The following CDH12 variants were observed in gnomAD, a reference collection of about 807,000 sequenced individuals.
The protein encoded by CDH12 is cadherin-12.
CDH12 carries 41 observed loss-of-function variants against 74.1 expected under a neutral mutation model. The observed-to-expected ratio is 0.55, with a 90% CI of 0.43 to 0.72. The LOEUF is 0.72. CDH12 is among the 30% of genes least tolerant of loss of function. CDH12 has a pLI of 0.00. For missense variants in CDH12, 945 were observed against 977.2 expected, an observed-to-expected ratio of 0.97 and a Z score of 0.44; for synonymous variants, 399 against 355.0, an observed-to-expected ratio of 1.12 and a Z score of -1.39.
At chr5:21,993,136 A>T (rs867563294) in intron 5 of CDH12, among the ~76,000 whole-genome samples, 5 of 152,182 alleles carry the variant, frequency 3.3e-5, no homozygotes, top group Non-Finnish European at 2.9e-5. Flanking sequence ...TCGAGATGAG[A>T]TTGGCGGGGG....
chr5:22,352,069 T>C (rs1468574426), intron 3 of CDH12, among the ~76,000 whole-genome samples: 3 of 152,032 alleles, frequency 2.0e-5, no homozygotes, highest in South Asian at 2.1e-4. Context: ...ATCAAAATTA[T>C]TACAATATTT....
chr5:22,051,334 G>C (rs1381833907), intron 5 of CDH12, among the ~76,000 whole-genome samples: 1 of 152,014 alleles, frequency 6.6e-6, no homozygotes, highest in Non-Finnish European at 1.5e-5. Context: ...AATTCACCTA[G>C]ATTCCAAATA....
intron 1 of CDH12, among the ~76,000 whole-genome samples, chr5:22,845,904 A>G (rs1737279593): frequency 6.6e-6 from 1 of 152,162 alleles, no homozygotes; most frequent in Non-Finnish European, 1.5e-5. Context: ...AAACAGAAAT[A>G]TCTGTTTAGA....
At chr5:22,472,639 A>G (rs930929820) in intron 2 of CDH12, among the ~76,000 whole-genome samples, 7 of 152,098 alleles carry the variant, frequency 4.6e-5, no homozygotes, top group Non-Finnish European at 1.0e-4. Context: ...AAAAAAATCT[A>G]TTATACTGTG....
intron 3 of CDH12, among the ~76,000 whole-genome samples, chr5:22,218,939 C>A (rs1223916497): frequency 6.6e-6 from 1 of 151,716 alleles, no homozygotes; most frequent in Non-Finnish European, 1.5e-5. Context: ...AAATTGTATA[C>A]AGCATTTCCC....
chr5:22,753,535 C>T (rs923369791), intron 1 of CDH12, among the ~76,000 whole-genome samples: 1 of 146,600 alleles, frequency 6.8e-6, no homozygotes, highest in African/African-American at 2.6e-5. Flanking sequence ...GAAGCATTCT[C>T]AGCCGTGAGG....
intron 5 of CDH12, among the ~76,000 whole-genome samples, chr5:22,019,857 G>C (rs565389773): frequency 6.6e-6 from 1 of 152,262 alleles, no homozygotes; most frequent in East Asian, 1.9e-4. Context: ...TCTAAACTGG[G>C]AGTGGCAACC....
intron 1 of CDH12, among the ~76,000 whole-genome samples, chr5:22,819,259 T>C (rs368911720): frequency 8.4e-4 from 128 of 152,238 alleles, no homozygotes; most frequent in African/African-American, 3.0e-3. Context: ...AGATGAAAAG[T>C]CTGACAGGCA....
intron 3 of CDH12, among the ~76,000 whole-genome samples, chr5:22,282,429 A>G (rs1405802205): frequency 6.6e-6 from 1 of 152,198 alleles, no homozygotes; most frequent in African/African-American, 2.4e-5. Flanking sequence ...CTGCACAGCA[A>G]AAGAAACTAT....
chr5:22,254,688 G>T (rs574138169), intron 3 of CDH12, among the ~76,000 whole-genome samples: 1 of 150,970 alleles, frequency 6.6e-6, no homozygotes, highest in African/African-American at 2.4e-5. Context: ...AATCAGTATG[G>T]GTATATATAA....
chr5:21,929,307 A>G (rs558881390), intron 6 of CDH12, among the ~76,000 whole-genome samples: 7 of 151,932 alleles, frequency 4.6e-5, no homozygotes, highest in Non-Finnish European at 8.8e-5. Context: ...AAATAATTAT[A>G]CAACTCACTG....
intron 9 of CDH12, among the ~76,000 whole-genome samples, chr5:21,814,207 C>A (rs1409413244): frequency 6.7e-6 from 1 of 149,814 alleles, no homozygotes; most frequent in Non-Finnish European, 1.5e-5. Flanking sequence ...GATATACTTT[C>A]AAGATTATCT....
At chr5:21,915,822 CTGTGTGTGTGTGTGTGTGTGTG>C (rs36126825) in intron 6 of CDH12, among the ~76,000 whole-genome samples, 2 of 140,042 alleles carry the variant, frequency 1.4e-5, no homozygotes, top group Non-Finnish European at 3.1e-5. Flanking sequence ...ATCATTTGTG[CTGTGTGTGTGTGTGTGTGTGTG>C]TGTGTGTGTG....
intron 7 of CDH12, among the ~76,000 whole-genome samples, chr5:21,844,622 A>G (rs1334572991): frequency 6.6e-6 from 1 of 152,166 alleles, no homozygotes; most frequent in Non-Finnish European, 1.5e-5. Flanking sequence ...AAAGGTCTTG[A>G]CAATTTTTAT....
intron 2 of CDH12, among the ~76,000 whole-genome samples, chr5:22,498,901 C>CTTTTTTTTTTTTTTTTTTTTTTGTTT (rs34550762): frequency 1.4e-5 from 1 of 73,434 alleles, no homozygotes; most frequent in Non-Finnish European, 2.6e-5. Context: ...TTTTCTGTTT[C>CTTTTTTTTTTTTTTTTTTTTTTGTTT]TTTTTTTTTT....
chr5:22,196,899 C>A (rs1750648732), intron 4 of CDH12, among the ~76,000 whole-genome samples: 1 of 152,050 alleles, frequency 6.6e-6, no homozygotes, highest in Non-Finnish European at 1.5e-5. Context: ...GTGGGTCAGT[C>A]GAATTTCTTA....
At chr5:22,070,188 C>G (rs1741851273) in intron 5 of CDH12, among the ~76,000 whole-genome samples, 2 of 152,090 alleles carry the variant, frequency 1.3e-5, no homozygotes, top group South Asian at 4.1e-4. Flanking sequence ...TAATTTTACA[C>G]CAAGTTGCGG....
At chr5:22,750,793 A>G (rs1282162298) in intron 1 of CDH12, among the ~76,000 whole-genome samples, 1 of 152,142 alleles carries the variant, frequency 6.6e-6, no homozygotes, top group Non-Finnish European at 1.5e-5. Flanking sequence ...CCTGCAAGAT[A>G]CTAAGATGAA....
At chr5:22,283,315 A>G (rs1736998209) in intron 3 of CDH12, among the ~76,000 whole-genome samples, 1 of 149,542 alleles carries the variant, frequency 6.7e-6, no homozygotes, top group Non-Finnish European at 1.5e-5. Flanking sequence ...ATATATATAC[A>G]CACACAGCAT....
Sources: gnomAD v4.1 joint callset for allele counts (sites outside exome capture counted in the v4.1 genomes callset) on GRCh38, gnomAD v4.1.1 for gene constraint, MANE v1.5 for transcripts, NCBI Gene and HGNC (gene_info 2026-07-23, HGNC 2026-07-21) for gene names.